Variants in RGMB observed in about 807,000 individuals in gnomAD.
RGMB encodes the protein repulsive guidance molecule BMP co-receptor b.
RGMB carries 16 observed loss-of-function variants against 26.9 expected under a neutral mutation model. The ratio of observed to expected loss-of-function variants is 0.60; its 90% CI spans 0.40 to 0.90. The LOEUF (loss-of-function observed/expected upper bound fraction) is 0.90. RGMB is among the 40% of genes least tolerant of loss of function. The pLI, the probability that RGMB is intolerant of heterozygous loss-of-function variation, is 0.00. For missense variants in RGMB, 512 were observed against 573.3 expected (o/e 0.89, Z 1.09); for synonymous variants, 225 against 229.3 (o/e 0.98, Z 0.17).
rs1747084474 is a variant in RGMB, at chr5:98,795,372, C to T, written c.*1619C>T. 1 of 152,150 alleles carries T rather than the reference C, an allele frequency of 6.6e-6. No individual in the cohort carries two copies. Among genetic ancestry groups the T allele is most frequent in the African/African-American group, 2.4e-5 (1 of 41,418 alleles). The allele number at this position is 152,150 out of a possible 1,614,324, so 9.4% of individuals were successfully genotyped here. Reference sequence around the variant, plus strand: ...TCCAGGTAGTTACTTTTGCCATGTCCTATTGATCAGTGACACTGCCAGAGG... The same window carrying T: ...TCCAGGTAGTTACTTTTGCCATGTCTTATTGATCAGTGACACTGCCAGAGG... On this transcript the variant is annotated 3_prime_UTR_variant, in exon 3 of 3. Coordinates refer to ENST00000513185, the MANE Select transcript of RGMB (RefSeq NM_001366508.1).
chr5:98,778,889 A>G (rs1463331509), intron 1 of RGMB, among the ~76,000 whole-genome samples: 3 of 151,566 alleles, frequency 2.0e-5, no homozygotes, highest in African/African-American at 7.3e-5. Context: ...GTAAATATAT[A>G]GCTTGGTCAA....
chr5:98,778,494 T>G (rs1043559460), intron 1 of RGMB, among the ~76,000 whole-genome samples: 4 of 152,184 alleles, frequency 2.6e-5, no homozygotes, highest in African/African-American at 7.2e-5. Context: ...TCTCCATAGT[T>G]TAAAGACCTA....
At position 98,778,323 on chromosome 5, in the gene RGMB, A is replaced by G. The variant is rs1580275330; in HGVS notation, c.137-1257A>G. Among the ~76,000 whole-genome samples, 5 of 152,268 alleles carry G rather than the reference A, an allele frequency of 3.3e-5. No individual in the cohort carries two copies. In the South Asian group the frequency reaches 1.0e-3, roughly 32 times the overall value. ...TTTATTGCATCCACATCTTGAAATA[A>G]TTATATATTTAATAATAATCTACTG... On this transcript the variant is annotated intron_variant, in intron 1 of 2. Coordinates refer to ENST00000513185, the MANE Select transcript of RGMB (RefSeq NM_001366508.1).
chr5:98,782,520 G>A (rs1746640006), intron 2 of RGMB, among the ~76,000 whole-genome samples: 1 of 152,134 alleles, frequency 6.6e-6, no homozygotes, highest in South Asian at 2.1e-4. Context: ...GAGAATTTAA[G>A]CAAGTGCATA....
At position 98,793,349 on chromosome 5, in the gene RGMB, G is replaced by C; in HGVS notation, c.910G>C (p.Glu304Gln). The C allele has an allele frequency of 6.2e-7, 1 of 1,613,814 alleles. No homozygotes were observed. The highest frequency in any genetic ancestry group is 1.1e-5 in the South Asian group (1 of 91,030). ...GCCTGAAGACCTGGCCATGTCCTAC[G>C]AGGAGAGCCAGGACCTGCAGCTGTG... ...RMPEDLAMSY[E>Q]ESQDLQLCVN... Residue 304 changes from glutamate to glutamine, a missense_variant, in exon 3 of 3, where the codon GAG becomes CAG. By Grantham distance (29) the Glu-to-Gln change is conservative (BLOSUM62 2). Coordinates refer to ENST00000513185, the MANE Select transcript of RGMB (RefSeq NM_001366508.1).
upstream of RGMB, chr5:98,770,674 G>A (rs776244955): frequency 2.7e-6 from 4 of 1,464,310 alleles, no homozygotes; most frequent in East Asian, 2.7e-5. Flanking sequence ...TAAGAATGAT[G>A]TAAGTACAGG....
At chr5:98,787,355 G>A (rs1183306645) in intron 2 of RGMB, among the ~76,000 whole-genome samples, 3 of 152,222 alleles carry the variant, frequency 2.0e-5, no homozygotes, top group African/African-American at 7.2e-5. Flanking sequence ...GAGAACAGCT[G>A]TGCTGAACCT....
chr5:98,782,164 G>T (rs907323926), intron 2 of RGMB, among the ~76,000 whole-genome samples: 3 of 152,138 alleles, frequency 2.0e-5, no homozygotes, highest in Admixed American at 6.5e-5. Context: ...TGTTGGGTTT[G>T]GTTCCCCATC....
At chr5:98,780,163 A>G in intron 2 of RGMB, 75 bp downstream of exon 2, 2 of 1,402,510 alleles carry the variant, frequency 1.4e-6, no homozygotes, top group Non-Finnish European at 1.9e-6. Context: ...AACTTTTGAA[A>G]TGTGCTATAA....
intron 2 of RGMB, 164 bp downstream of exon 2, chr5:98,780,252 G>T: frequency 1.7e-6 from 1 of 600,928 alleles, no homozygotes; most frequent in Non-Finnish European, 2.8e-6. Flanking sequence ...ATCTAGTAAG[G>T]AATTTCTTAT....
In RGMB at chr5:98,793,333, C is replaced by A. The variant is rs748500346; in HGVS notation, c.894C>A (p.Asp298Glu). The change falls in exon 3 of 3, where the codon GAC becomes GAA. Residue 298 changes from aspartate (D) to glutamate (E), a missense_variant. Asp to Glu is a conservative substitution (Grantham distance 45, BLOSUM62 2). Coordinates refer to ENST00000513185, the MANE Select transcript of RGMB (RefSeq NM_001366508.1). ...YLTLAIRMPE[D>E]LAMSYEESQD... The stretch of plus-strand genomic sequence containing the variant: ...CCCTTGCCATCCGTATGCCTGAAGA[C>A]CTGGCCATGTCCTACGAGGAGAGCC... The A allele has an allele frequency of 1.2e-6, 2 of 1,613,864 alleles. No homozygotes were observed. Among genetic ancestry groups the A allele is most frequent in the Non-Finnish European group, 8.5e-7 (1 of 1,179,844 alleles).
Position 98,774,462 on chromosome 5 carries a change from C to G in RGMB, c.136+256C>G, listed in dbSNP as rs181475754. On this transcript the variant is annotated intron_variant, in intron 1 of 2. Transcript: ENST00000513185. ...TCGGCTCGGACCGCTGACAAATCTCCCCTCCGACAGCCGCTTATCAAACAT... is the reference window on the plus strand; with the variant it reads ...TCGGCTCGGACCGCTGACAAATCTCGCCTCCGACAGCCGCTTATCAAACAT... Among the ~76,000 whole-genome samples the G allele has an allele frequency of 5.2e-4, 79 of 152,328 alleles. 1 individual carries two copies. The East Asian group carries it at 0.014, about 28-fold the overall frequency.
Position 98,793,602 on chromosome 5 carries a change from C to T in RGMB, c.1163C>T (p.Ala388Val). The T allele has an allele frequency of 6.2e-7, 1 of 1,614,006 alleles. No homozygotes were observed. The highest frequency in any genetic ancestry group is 8.5e-7 in the Non-Finnish European group (1 of 1,179,904). ...GGTGATGCCAACTTTACTGCCGCAG[C>T]CCACAGTGCCTTGGAGGATGTGGAG... Reference protein sequence around the residue: ...TTGDANFTAAAHSALEDVEAL... With the variant: ...TTGDANFTAAVHSALEDVEAL... Residue 388 changes from alanine (A) to valine (V), a missense_variant, in exon 3 of 3, where the codon GCC becomes GTC. By Grantham distance (64) the Ala-to-Val change is moderately conservative (BLOSUM62 0). Transcript: ENST00000513185.
At chr5:98,778,982 G>T (rs1746503859) in intron 1 of RGMB, among the ~76,000 whole-genome samples, 2 of 151,676 alleles carry the variant, frequency 1.3e-5, no homozygotes, top group South Asian at 4.2e-4. Flanking sequence ...CAGTTTCTTG[G>T]TAAACGTGCC....
chr5:98,777,117 G>T (rs1288133068), intron 1 of RGMB, among the ~76,000 whole-genome samples: 3 of 151,786 alleles, frequency 2.0e-5, no homozygotes, highest in African/African-American at 7.3e-5. Context: ...GAAAAGGTTT[G>T]GGGGGTTGCA....
chr5:98,777,341 A>G (rs1017570386), intron 1 of RGMB, among the ~76,000 whole-genome samples: 24 of 152,344 alleles, frequency 1.6e-4, no homozygotes, highest in Admixed American at 1.3e-3. Flanking sequence ...ATTTATCCGT[A>G]GTCTTAAGAG....
rs1746265079 is a variant in RGMB, at chr5:98,773,738, C to G, written c.-333C>G. The G allele has an allele frequency of 7.9e-6, 3 of 379,716 alleles. No homozygotes were observed. The highest frequency in any genetic ancestry group is 2.1e-5 in the African/African-American group (1 of 47,578). The allele number at this position is 379,716 out of a possible 1,614,324, so 23.5% of individuals were successfully genotyped here. On this transcript the variant is annotated 5_prime_UTR_variant, in exon 1 of 3. Transcript: ENST00000513185. ...CTTGGAGGTCCACGCCCGCCGAGCCCACGCTGGCTGGGGCCGGGGTGCCGG... is the reference window on the plus strand; with the variant it reads ...CTTGGAGGTCCACGCCCGCCGAGCCGACGCTGGCTGGGGCCGGGGTGCCGG...
chr5:98,789,056 A>G (rs1341569604), intron 2 of RGMB, among the ~76,000 whole-genome samples: 1 of 152,252 alleles, frequency 6.6e-6, no homozygotes, highest in Non-Finnish European at 1.5e-5. Context: ...CACATCAGCT[A>G]ATTATATGAA....
chr5:98,784,404 T>A (rs1003662059), intron 2 of RGMB, among the ~76,000 whole-genome samples: 3 of 152,226 alleles, frequency 2.0e-5, no homozygotes, highest in African/African-American at 7.2e-5. Context: ...TAGTTTGGTT[T>A]GCTTTTGGTT....
Sources: allele counts gnomAD v4.1 joint callset (sites outside exome capture counted in the v4.1 genomes callset), GRCh38; gene constraint gnomAD v4.1.1; transcripts MANE v1.5; gene names NCBI Gene and HGNC (gene_info 2026-07-23, HGNC 2026-07-21).